CASK: variants seen among roughly 807,000 people sequenced by gnomAD.
CASK encodes calcium/calmodulin dependent serine protein kinase, also known as peripheral plasma membrane protein CASK.
CASK carries 4 observed loss-of-function variants against 82.9 expected under a neutral mutation model. The ratio of observed to expected loss-of-function variants is 0.05; its 90% confidence interval spans 0.02 to 0.11. CASK has a LOEUF of 0.11. Among genes scored for constraint, CASK ranks in the 10% least tolerant of loss-of-function variants. The probability of loss-of-function intolerance (pLI) is 1.00; values close to 1 mark genes in which losing one functional copy is unlikely to be tolerated. For synonymous variants in CASK, 259 were observed against 253.5 expected (o/e 1.02, Z -0.20); for missense variants, 358 against 720.9 (o/e 0.50, Z 5.76).
intron 1 of CASK, among the ~76,000 whole-genome samples, chrX:41,888,259 ACTT>A (rs2072083147): frequency 9.0e-6 from 1 of 111,472 alleles, no homozygotes; most frequent in South Asian, 3.7e-4. Context: ...GAAGAAAACT[ACTT>A]TAAGAAACTA....
At chrX:41,652,831 T>C (rs146847992) in intron 8 of CASK, among the ~76,000 whole-genome samples, 54 of 112,200 alleles carry the variant, frequency 4.8e-4, no homozygotes, top group African/African-American at 1.6e-3. Flanking sequence ...AACACAATGG[T>C]AAAAGTGTTT....
intron 9 of CASK, among the ~76,000 whole-genome samples, chrX:41,630,520 T>A (rs1186376711): frequency 8.9e-6 from 1 of 112,065 alleles, no homozygotes; most frequent in African/African-American, 3.2e-5. Flanking sequence ...TATAAAATAA[T>A]TGGTTTTGTA....
chrX:41,888,763 G>GTATATATGTATATATACATGTATGTGTA (rs1569477607), intron 1 of CASK, among the ~76,000 whole-genome samples: 24 of 93,141 alleles, frequency 2.6e-4, no homozygotes, highest in South Asian at 9.1e-4. Context: ...ATATGTATGT[G>GTATATATGTATATATACATGTATGTGTA]TATATATGTA....
chrX:41,638,118 A>G (rs1395149470), intron 8 of CASK, among the ~76,000 whole-genome samples: 1 of 112,396 alleles, frequency 8.9e-6, no homozygotes, highest in African/African-American at 3.2e-5. Context: ...CATGAGGAAA[A>G]CCAACAAAGA....
chrX:41,730,538 G>A lies in CASK; in HGVS notation c.429+8846C>T, dbSNP rs2068376588. ...GTAATTGGATTTTTGGCTCATTAAT[G>A]TGCAGAGACAAAGGAGATTTGGGAA... On this transcript the variant is annotated intron_variant, in intron 5 of 26. Transcript: ENST00000378163. Among the ~76,000 whole-genome samples, 3 of 111,522 alleles carry A rather than the reference G, an allele frequency of 2.7e-5. No individual in the cohort carries two copies. In the Admixed American group the frequency reaches 2.9e-4, roughly 11 times the overall value.
intron 25 of CASK, among the ~76,000 whole-genome samples, chrX:41,526,654 G>A (rs1046407760): frequency 8.9e-6 from 1 of 111,792 alleles, no homozygotes; most frequent in African/African-American, 3.3e-5. Context: ...TTATGTCTAC[G>A]AATCAGGTTA....
rs183801381 is a variant in CASK, at chrX:41,645,822, C to A, written c.832-9161G>T. 1.4e-3 allele frequency among the ~76,000 whole-genome samples: 151 copies of A among 111,339 alleles called. 2 individuals carry two copies. Among genetic ancestry groups the A allele is most frequent in the African/African-American group, 4.8e-3 (147 of 30,681 alleles). ...TCTCCTCCTTATACTTTCTGTCTCA[C>A]CAGTTTCCTCTCACACTGATTTACC... On this transcript the variant is annotated intron_variant, in intron 8 of 26. Coordinates refer to ENST00000378163, the MANE Select transcript of CASK (RefSeq NM_001367721.1).
intron 2 of CASK, among the ~76,000 whole-genome samples, chrX:41,828,945 T>C (rs781262211): frequency 2.2e-4 from 25 of 112,246 alleles, no homozygotes; most frequent in Admixed American, 2.0e-3. Context: ...ATGTTTTCTT[T>C]CTATTTTTAC....
chrX:41,902,170 C>T (rs2072395037), intron 1 of CASK, among the ~76,000 whole-genome samples: 1 of 111,832 alleles, frequency 8.9e-6, no homozygotes, highest in Admixed American at 9.4e-5. Flanking sequence ...AACTATCAAT[C>T]AAGTTAAAGG....
intron 1 of CASK, among the ~76,000 whole-genome samples, chrX:41,872,804 T>G (rs1048026839): frequency 9.0e-6 from 1 of 111,029 alleles, no homozygotes; most frequent in East Asian, 2.8e-4. Context: ...TTAGTCATCA[T>G]TCTCCTTCAG....
chrX:41,566,828 C>T (rs1161686369), intron 16 of CASK, among the ~76,000 whole-genome samples: 1 of 111,775 alleles, frequency 8.9e-6, no homozygotes, highest in African/African-American at 3.3e-5. Context: ...CACTACCTGA[C>T]TTCAAACTAT....
chrX:41,665,202 G>T, intron 7 of CASK, 75 bp downstream of exon 7: 1 of 899,369 alleles, frequency 1.1e-6, no homozygotes, highest in South Asian at 2.1e-5. Context: ...GGCAAAGACA[G>T]ACAGTAACTT....
At chrX:41,863,423 C>A (rs766790586) in intron 1 of CASK, among the ~76,000 whole-genome samples, 11 of 111,566 alleles carry the variant, frequency 9.9e-5, no homozygotes, top group Admixed American at 2.8e-4. Context: ...CAAGGGGCTG[C>A]TGGAAACATC....
At chrX:41,893,727 C>A (rs1394969800) in intron 1 of CASK, among the ~76,000 whole-genome samples, 1 of 112,055 alleles carries the variant, frequency 8.9e-6, no homozygotes, top group Non-Finnish European at 1.9e-5. Context: ...TGTGGCCAAC[C>A]ATTGGATGAC....
chrX:41,735,945 T>C (rs180961328), intron 5 of CASK, among the ~76,000 whole-genome samples: 96 of 111,795 alleles, frequency 8.6e-4, no homozygotes, highest in African/African-American at 3.0e-3. Flanking sequence ...GCCTACTATG[T>C]AGTTCATTTG....
intron 11 of CASK, among the ~76,000 whole-genome samples, chrX:41,614,540 G>T (rs1440262172): frequency 2.5e-3 from 214 of 86,213 alleles, no homozygotes; most frequent in Middle Eastern, 6.4e-3. Context: ...TTTTTTTTTT[G>T]AGATAGAGTC....
intron 5 of CASK, among the ~76,000 whole-genome samples, chrX:41,674,003 A>G (rs1423729355): frequency 9.1e-6 from 1 of 110,183 alleles, no homozygotes; most frequent in Non-Finnish European, 1.9e-5. Flanking sequence ...TGTTTTCTGC[A>G]AAGTACTGAG....
chrX:41,903,673 G>GT (rs1374684317), intron 1 of CASK, among the ~76,000 whole-genome samples: 1 of 111,155 alleles, frequency 9.0e-6, no homozygotes, highest in Non-Finnish European at 1.9e-5. Flanking sequence ...CACTCCCTGT[G>GT]TTTTTTAGAC....
intron 21 of CASK, among the ~76,000 whole-genome samples, chrX:41,552,238 CT>C (rs1373805319): frequency 9.0e-6 from 1 of 110,499 alleles, no homozygotes; most frequent in Non-Finnish European, 1.9e-5. Context: ...TGCCTGGCCC[CT>C]GATACCTTTT....
Sources: gnomAD v4.1 joint callset for allele counts (sites outside exome capture counted in the v4.1 genomes callset) on GRCh38, gnomAD v4.1.1 for gene constraint, MANE v1.5 for transcripts, NCBI Gene and HGNC (gene_info 2026-07-23, HGNC 2026-07-21) for gene names.